Variants in TBC1D30 observed in about 807,000 individuals in gnomAD.
The protein encoded by TBC1D30 is TBC1 domain family, member 30.
Under a neutral mutation model 63.2 loss-of-function variants are expected in TBC1D30, and 31 were observed. The observed-to-expected ratio is 0.49, with a 90% CI of 0.37 to 0.66. The LOEUF (loss-of-function observed/expected upper bound fraction) is 0.66, where lower values mean the gene tolerates loss of function less well. TBC1D30 is among the 30% of genes least tolerant of loss of function. TBC1D30 has a pLI of 0.00. For missense variants in TBC1D30, 810 were observed against 953.6 expected, an observed-to-expected ratio of 0.85 and a Z score of 1.98; for synonymous variants, 307 against 361.5, an observed-to-expected ratio of 0.85 and a Z score of 1.71.
chr12:64,793,133 G>A (rs1232556423), intron 2 of TBC1D30, among the ~76,000 whole-genome samples: 1 of 151,868 alleles, frequency 6.6e-6, no homozygotes, highest in Admixed American at 6.6e-5. Flanking sequence ...TTGAGCTTGC[G>A]AGTGGGAGAC....
At chr12:64,829,229 C>G (rs1269547463) in intron 3 of TBC1D30, among the ~76,000 whole-genome samples, 1 of 152,034 alleles carries the variant, frequency 6.6e-6, no homozygotes, top group Non-Finnish European at 1.5e-5. Flanking sequence ...ACGGGCTACT[C>G]TGGGTACTGA....
rs1452981328 is a variant in TBC1D30 at position 64,824,994 on chromosome 12, T to A, written c.115T>A (p.Ser39Thr). 2.0e-6 allele frequency: 3 copies of A among 1,534,176 alleles called. No individual in the cohort carries two copies. The highest frequency in any genetic ancestry group is 2.6e-6 in the Non-Finnish European group (3 of 1,146,458). ...TGTGCTCAAGAAGCGCAGCTGCATT[T>A]CCCGGACCGCGCCCCGGCTGCTGTG... ...SNVLKKRSCI[S>T]RTAPRLLCTL... Residue 39 changes from serine (S) to threonine (T), a missense_variant, in exon 1 of 12, where the codon TCC becomes ACC. Coordinates refer to ENST00000539867, the MANE Select transcript of TBC1D30 (RefSeq NM_015279.2).
Position 64,845,377 on chromosome 12 carries a change from G to A in TBC1D30, c.1038+1892G>A, listed in dbSNP as rs1001118162. Among the ~76,000 whole-genome samples, 6 of 152,190 alleles carry A rather than the reference G, an allele frequency of 3.9e-5. No homozygotes were observed. The East Asian group carries it at 1.2e-3, about 29-fold the overall frequency. ...TTTTTCTGATGATCAGTGATTTTCT[G>A]TCCCCAGGCTGGAGTGCAGTGGCAC... On this transcript the variant is annotated intron_variant, in intron 8 of 11. Transcript: ENST00000539867.
At chr12:64,780,740 C>T (rs1004259949) in exon 1 of TBC1D30, 13 of 985,668 alleles carry the variant, frequency 1.3e-5, no homozygotes, top group Non-Finnish European at 1.6e-5. Flanking sequence ...GCCGCGCCTC[C>T]TCCCGGAACT....
At chr12:64,781,098 A>G in exon 1 of TBC1D30, 1 of 1,003,058 alleles carries the variant, frequency 1.0e-6, no homozygotes, top group Non-Finnish European at 1.2e-6. Flanking sequence ...GAGGAGGAGG[A>G]GGCGGCGGGC....
chr12:64,836,831 AC>A (rs1444262337), intron 6 of TBC1D30, among the ~76,000 whole-genome samples, 173 bp downstream of exon 6: 1 of 152,202 alleles, frequency 6.6e-6, no homozygotes, highest in African/African-American at 2.4e-5. Context: ...ACAAAAGGCC[AC>A]ATGTTGAACC....
intron 2 of TBC1D30, among the ~76,000 whole-genome samples, chr12:64,804,380 G>C (rs1408181336): frequency 6.6e-6 from 1 of 152,184 alleles, no homozygotes; most frequent in Non-Finnish European, 1.5e-5. Flanking sequence ...AGCTTAAGGA[G>C]ATTTTGGGCT....
At chr12:64,840,027 A>AAAAAAAAAAAAAAAAAC (rs1555171793) in intron 7 of TBC1D30, among the ~76,000 whole-genome samples, 2 of 145,806 alleles carry the variant, frequency 1.4e-5, no homozygotes, top group African/African-American at 5.2e-5. Context: ...AAAAAAAAAA[A>AAAAAAAAAAAAAAAAAC]ATCCACCAAC....
intron 3 of TBC1D30, among the ~76,000 whole-genome samples, chr12:64,829,491 G>GGT (rs1874652572): frequency 6.6e-6 from 1 of 152,026 alleles, no homozygotes; most frequent in South Asian, 2.1e-4. Context: ...GAGTAGGTGA[G>GGT]GTGTGTGTGT....
At chr12:64,820,743 A>G (rs1284319653), upstream of TBC1D30, among the ~76,000 whole-genome samples, 1 of 152,226 alleles carries the variant, frequency 6.6e-6, no homozygotes, top group Admixed American at 6.5e-5. Flanking sequence ...TTGTAAAACA[A>G]TATTCCAGAC....
rs1226105252 is a variant in TBC1D30, at chr12:64,836,637, A to G, written c.742A>G (p.Thr248Ala). The change falls in exon 6 of 12, where the codon ACT (threonine) becomes GCT (alanine). Residue 248 changes from threonine to alanine, a missense_variant. Transcript: ENST00000539867. The stretch of plus-strand genomic sequence containing the variant: ...TCAGCACCTGGATACTCTTCAGAGA[A>G]CTGCAAACAAAGAAAGTGGAGGTAG... ...LSQHLDTLQR[T>A]ANKESGGGYE... The G allele has an allele frequency of 6.5e-7, 1 of 1,534,698 alleles. No homozygotes were observed. The highest frequency in any genetic ancestry group is 1.4e-5 in the African/African-American group (1 of 73,138).
intron 1 of TBC1D30, among the ~76,000 whole-genome samples, chr12:64,827,197 C>A (rs1874432506): frequency 6.6e-6 from 1 of 152,170 alleles, no homozygotes; most frequent in Admixed American, 6.5e-5. Context: ...TGTCTGTAAT[C>A]CTAGCACTTT....
Position 64,877,450 on chromosome 12 carries a change from A to G in TBC1D30, c.*1662A>G, listed in dbSNP as rs529678519. ...GTGGTTGTGTGGGCTTTTTTTGAAC[A>G]GAAAACACAACAATGACCTATACCG... On this transcript the variant is annotated 3_prime_UTR_variant, in exon 12 of 12. Transcript: ENST00000539867. The G allele has an allele frequency of 6.1e-4, 93 of 152,812 alleles. 1 individual carries two copies. The Middle Eastern group carries it at 0.024, about 39-fold the overall frequency. The allele number at this position is 152,812 out of a possible 1,614,324, so 9.5% of individuals were successfully genotyped here. A position where few individuals can be genotyped will look rare whatever the true frequency, so the allele number is the denominator to read the frequency against.
At chr12:64,769,210 AT>A (rs557741046) in intron 1 of TBC1D30, among the ~76,000 whole-genome samples, 244 of 144,510 alleles carry the variant, frequency 1.7e-3, no homozygotes, top group Admixed American at 1.6e-3. Flanking sequence ...ATTCCTGTAG[AT>A]TTTTTTTTTT....
chr12:64,865,537 T>G (rs1374268880), intron 9 of TBC1D30, among the ~76,000 whole-genome samples: 2 of 152,060 alleles, frequency 1.3e-5, no homozygotes, highest in African/African-American at 4.8e-5. Context: ...TGCTAATATG[T>G]AAAATTCCTA....
upstream of TBC1D30, among the ~76,000 whole-genome samples, chr12:64,821,215 T>C (rs1186701361): frequency 1.3e-5 from 2 of 152,230 alleles, no homozygotes; most frequent in African/African-American, 2.4e-5. Context: ...CTCAGGGGTA[T>C]TGACTGCTAT....
intron 2 of TBC1D30, among the ~76,000 whole-genome samples, chr12:64,815,970 G>A (rs1484603769): frequency 5.9e-5 from 9 of 151,430 alleles, no homozygotes; most frequent in Admixed American, 2.0e-4. Flanking sequence ...TAGAGACAGC[G>A]TTTTGTCATG....
intron 1 of TBC1D30, among the ~76,000 whole-genome samples, chr12:64,781,997 G>C (rs1250739510): frequency 6.6e-6 from 1 of 151,826 alleles, no homozygotes; most frequent in African/African-American, 2.4e-5. Context: ...AATGGCCTTG[G>C]CTTTCAGGGA....
At chr12:64,840,624 C>G (rs971693662) in intron 7 of TBC1D30, among the ~76,000 whole-genome samples, 2 of 152,154 alleles carry the variant, frequency 1.3e-5, no homozygotes, top group Admixed American at 6.6e-5. Flanking sequence ...GTTGTCATCT[C>G]CATTTTATAG....
Sources: allele counts gnomAD v4.1 joint callset (sites outside exome capture counted in the v4.1 genomes callset), GRCh38; gene constraint gnomAD v4.1.1; transcripts MANE v1.5; gene names NCBI Gene and HGNC (gene_info 2026-07-23, HGNC 2026-07-21).